Variants in SIGMAR1 observed in about 807,000 individuals in gnomAD.
SIGMAR1 encodes the protein sigma non-opioid intracellular receptor 1, also known as SR31747 binding protein 1.
In SIGMAR1, 18 loss-of-function variants were observed where a neutral mutation model predicts 25.4. The ratio of observed to expected loss-of-function variants is 0.71; its 90% CI spans 0.49 to 1.05. SIGMAR1 has a LOEUF of 1.05. Among genes scored for constraint, SIGMAR1 ranks in the 50% least tolerant of loss-of-function variants. The pLI is 0.00. For synonymous variants in SIGMAR1, 125 were observed against 131.6 expected (o/e 0.95, Z 0.34); for missense variants, 249 against 301.6 (o/e 0.83, Z 1.29).
At position 34,637,761 on chromosome 9, in the gene SIGMAR1, C is replaced by T; in HGVS notation, c.-64G>A. 7 of 1,221,266 alleles carry T rather than the reference C, an allele frequency of 5.7e-6. No individual in the cohort carries two copies. The highest frequency in any genetic ancestry group is 5.4e-6 in the Non-Finnish European group (5 of 931,602). The allele number at this position is 1,221,266 out of a possible 1,614,324, so 75.7% of individuals were successfully genotyped here. ...GCCGGGGCCTGAGGCTTTGCGCTCA[C>T]GGCCTCGGAGCCCGCCGGCTGCCCA... On this transcript the variant is annotated 5_prime_UTR_variant, in exon 1 of 4. The change creates a new upstream start codon in the 5' untranslated region. Transcript: ENST00000277010.
Position 34,637,693 on chromosome 9 carries a change from T to G in SIGMAR1, c.5A>C (p.Gln2Pro), listed in dbSNP as rs1800866. The change falls in exon 1 of 4, where the codon CAG (glutamine) becomes CCG (proline). Residue 2 changes from glutamine (Q) to proline (P), a missense_variant. By Grantham distance (76) the Gln-to-Pro change is moderately conservative (BLOSUM62 -1). Coordinates refer to ENST00000277010, the MANE Select transcript of SIGMAR1 (RefSeq NM_005866.4). M[Q>P]WAVGRRWAWA... ...CGCCCACCGCCGGCCCACGGCCCACTGCATCCCGGCGGGCGGCCTGGCACG... is the reference window on the plus strand; with the variant it reads ...CGCCCACCGCCGGCCCACGGCCCACGGCATCCCGGCGGGCGGCCTGGCACG... 267,412 of 1,526,870 alleles carry G rather than the reference T, an allele frequency of 0.18. 24,420 individuals are homozygous for G. The highest frequency in any genetic ancestry group is 0.31 in the East Asian group (12,731 of 40,624). The allele number at this position is 1,526,870 out of a possible 1,614,324, so 94.6% of individuals were successfully genotyped here.
In SIGMAR1 at chr9:34,637,768, G is replaced by T. The variant is rs945473434; in HGVS notation, c.-71C>A. On this transcript the variant is annotated 5_prime_UTR_variant, in exon 1 of 4. Transcript: ENST00000277010. Reference sequence around the variant, plus strand: ...CCTGAGGCTTTGCGCTCACGGCCTCGGAGCCCGCCGGCTGCCCACGAAGCG... The same window carrying T: ...CCTGAGGCTTTGCGCTCACGGCCTCTGAGCCCGCCGGCTGCCCACGAAGCG... The T allele has an allele frequency of 1.7e-6, 2 of 1,146,096 alleles. No individual in the cohort carries two copies. The highest frequency in any genetic ancestry group is 1.2e-6 in the Non-Finnish European group (1 of 869,540). 71.0% of individuals were successfully genotyped at this position (1,146,096 alleles called of 1,614,324 possible).
At position 34,637,432 on chromosome 9, in the gene SIGMAR1, A is replaced by C. The variant is rs1820919280; in HGVS notation, c.152-12T>G. On this transcript the variant is annotated splice_polypyrimidine_tract_variant and intron_variant, in intron 1 of 3. Transcript: ENST00000277010. ...CTCGTGGTCCAGCCCTGGCGGAGGC[A>C]GAGGGGCGGCGGAGTCAGGGCTGGC... The C allele has an allele frequency of 6.3e-7, 1 of 1,599,724 alleles. No homozygotes were observed. The highest frequency in any genetic ancestry group is 1.3e-5 in the African/African-American group (1 of 74,904).
At position 34,637,248 on chromosome 9, in the gene SIGMAR1, G is replaced by A; in HGVS notation, c.324C>T (p.Gly108=). The change falls in exon 2 of 4, where the codon GGC becomes GGT. Residue 108 remains glycine, a synonymous_variant. Coordinates refer to ENST00000277010, the MANE Select transcript of SIGMAR1 (RefSeq NM_005866.4). The part of the protein sequence containing the change: ...ASLSEYVLLF[G]TALGSRGHSG... ...AGTGGCCGCGGGAGCCCAAGGCGGT[G>A]CCGAAGAGCAGCACATACTCGGACA... 6.4e-7 allele frequency: 1 copy of A among 1,562,660 alleles called. No individual in the cohort carries two copies. Among genetic ancestry groups the A allele is most frequent in the South Asian group, 1.2e-5 (1 of 86,704 alleles).
At chr9:34,636,132 C>A (rs749012987) in intron 3 of SIGMAR1, among the ~76,000 whole-genome samples, 14 of 151,912 alleles carry the variant, frequency 9.2e-5, no homozygotes, top group Non-Finnish European at 2.1e-4. Flanking sequence ...AAGCCTCACT[C>A]GAATCAAGCA....
Position 34,637,530 on chromosome 9 carries a change from G to A in SIGMAR1, c.151+17C>T. 1 of 1,584,608 alleles carries A rather than the reference G, an allele frequency of 6.3e-7. No homozygotes were observed. The highest frequency in any genetic ancestry group is 8.5e-7 in the Non-Finnish European group (1 of 1,170,292). Reference sequence around the variant, plus strand: ...TCCCAGGCCGGCCGCTCCCCTCCCTGCCCTCTGCCCGCTCACCAGCGTACT... The same window carrying A: ...TCCCAGGCCGGCCGCTCCCCTCCCTACCCTCTGCCCGCTCACCAGCGTACT... On this transcript the variant is annotated intron_variant, in intron 1 of 3. Coordinates refer to ENST00000277010, the MANE Select transcript of SIGMAR1 (RefSeq NM_005866.4).
rs745729807 is a variant in SIGMAR1, at chr9:34,635,988, A to T, written c.446-130T>A. 20 of 1,348,218 alleles carry T rather than the reference A, an allele frequency of 1.5e-5. No individual in the cohort carries two copies. Among genetic ancestry groups the T allele is most frequent in the Non-Finnish European group, 1.9e-5 (19 of 982,198 alleles). 83.5% of individuals were successfully genotyped at this position (1,348,218 alleles called of 1,614,324 possible). On this transcript the variant is annotated intron_variant, in intron 3 of 3. Coordinates refer to ENST00000277010, the MANE Select transcript of SIGMAR1 (RefSeq NM_005866.4). The surrounding 1 kb of genome is among the most constrained non-coding windows in gnomAD (Gnocchi z 4.5). ...GAGCTTCAGAAAAACAAAAAGCCCT[A>T]CCTCACTGGGCTGGCCCAGATGGCC... is the stretch of plus-strand genomic sequence containing the variant.
rs1032906373 is a variant in SIGMAR1, at chr9:34,635,222, C to CA, written c.*409dup. Reference sequence around the variant, plus strand: ...TCAAATTGCTGCTGGGTTGAGGAGTCAGACTGAGGCAGTATAATACCCTCC... The same window carrying CA: ...TCAAATTGCTGCTGGGTTGAGGAGTCAAGACTGAGGCAGTATAATACCCTCC... On this transcript the variant is annotated 3_prime_UTR_variant, in exon 4 of 4. Transcript: ENST00000277010. The surrounding 1 kb of genome is among the most constrained non-coding windows in gnomAD (Gnocchi z 4.5). 3 of 287,098 alleles carry CA rather than the reference C, an allele frequency of 1.0e-5. No homozygotes were observed. In the Admixed American group the frequency reaches 1.4e-4, roughly 13 times the overall value. 17.8% of individuals were successfully genotyped at this position (287,098 alleles called of 1,614,324 possible). A position where few individuals can be genotyped will look rare whatever the true frequency, so the allele number is the denominator to read the frequency against.
In SIGMAR1 at chr9:34,635,623, C is replaced by A. The variant is rs372243666; in HGVS notation, c.*9G>T. 6.2e-7 allele frequency: 1 copy of A among 1,613,964 alleles called. No individual in the cohort carries two copies. ...GTCTATCCGCAGGTCTTCCTTCAGG[C>A]CTGGCTGGTCAAGGGTCCTGGCCAA... is the stretch of plus-strand genomic sequence containing the variant. On this transcript the variant is annotated 3_prime_UTR_variant, in exon 4 of 4. Coordinates refer to ENST00000277010, the MANE Select transcript of SIGMAR1 (RefSeq NM_005866.4). The surrounding 1 kb of genome is among the most constrained non-coding windows in gnomAD (Gnocchi z 4.5).
chr9:34,635,708 A>G lies in SIGMAR1; in HGVS notation c.596T>C (p.Leu199Pro). 6.2e-7 allele frequency: 1 copy of G among 1,614,246 alleles called. No homozygotes were observed. The highest frequency in any genetic ancestry group is 2.2e-5 in the East Asian group (1 of 44,880). The change falls in exon 4 of 4, where the codon CTC becomes CCC. Residue 199 changes from leucine to proline, a missense_variant. Transcript: ENST00000277010. This position sits in a 1 kb window ranked among gnomAD's most constrained non-coding sequence, Gnocchi z 4.5. ...TVFSTQDFLT[L>P]FYTLRSYARG... is the part of the protein sequence containing the mutation. ...AGCATAGGAGCGAAGAGTATAGAAG[A>G]GGGTGAGGAAGTCCTGGGTGCTGAA...
chr9:34,635,934 GGACT>G lies in SIGMAR1; in HGVS notation c.446-80_446-77del, dbSNP rs1322726496. 1 of 1,595,074 alleles carries G rather than the reference GGACT, an allele frequency of 6.3e-7. No individual in the cohort carries two copies. Among genetic ancestry groups the G allele is most frequent in the Non-Finnish European group, 8.5e-7 (1 of 1,173,066 alleles). Reference sequence around the variant, plus strand: ...CATGGCTGCTGCTTCCCTGGCCCATGGACTAACTAGGGGTGGGGAATGGAGAGGG... The same window carrying G: ...CATGGCTGCTGCTTCCCTGGCCCATGAACTAGGGGTGGGGAATGGAGAGGG... On this transcript the variant is annotated intron_variant, in intron 3 of 3. Coordinates refer to ENST00000277010, the MANE Select transcript of SIGMAR1 (RefSeq NM_005866.4). The surrounding 1 kb of genome is among the most constrained non-coding windows in gnomAD (Gnocchi z 4.5).
chr9:34,635,969 C>A lies in SIGMAR1; in HGVS notation c.446-111G>T. 1 of 1,499,492 alleles carries A rather than the reference C, an allele frequency of 6.7e-7. No individual in the cohort carries two copies. Among genetic ancestry groups the A allele is most frequent in the Admixed American group, 2.0e-5 (1 of 49,760 alleles). 92.9% of individuals were successfully genotyped at this position (1,499,492 alleles called of 1,614,324 possible). A position where few individuals can be genotyped will look rare whatever the true frequency, so the allele number is the denominator to read the frequency against. On this transcript the variant is annotated intron_variant, in intron 3 of 3. Transcript: ENST00000277010. This position sits in a 1 kb window ranked among gnomAD's most constrained non-coding sequence, Gnocchi z 4.5. ...GGGGTGGGGAATGGAGAGGGAGCTT[C>A]AGAAAAACAAAAAGCCCTACCTCAC...
chr9:34,635,866 A>G lies in SIGMAR1; in HGVS notation c.446-8T>C. 1 of 1,613,718 alleles carries G rather than the reference A, an allele frequency of 6.2e-7. No homozygotes were observed. Among genetic ancestry groups the G allele is most frequent in the South Asian group, 1.1e-5 (1 of 91,076 alleles). On this transcript the variant is annotated splice_polypyrimidine_tract_variant and splice_region_variant and intron_variant, in intron 3 of 3. Transcript: ENST00000277010. This position sits in a 1 kb window ranked among gnomAD's most constrained non-coding sequence, Gnocchi z 4.5. ...CGTGTACTACCGTCTCCCCTGGGGG[A>G]CAGGGAGCACCCAAGTGAAAAGCCA...
Position 34,635,472 on chromosome 9 carries a change from T to C in SIGMAR1, c.*160A>G. 2 of 1,087,312 alleles carry C rather than the reference T, an allele frequency of 1.8e-6. No individual in the cohort carries two copies. The highest frequency in any genetic ancestry group is 2.7e-6 in the Non-Finnish European group (2 of 740,610). 67.4% of individuals were successfully genotyped at this position (1,087,312 alleles called of 1,614,324 possible). ...TGTCTCATTTGTTCCCATGGGTCTC[T>C]GTGTTTGGATACATAAGCATGGATA... On this transcript the variant is annotated 3_prime_UTR_variant, in exon 4 of 4. Coordinates refer to ENST00000277010, the MANE Select transcript of SIGMAR1 (RefSeq NM_005866.4). This position sits in a 1 kb window ranked among gnomAD's most constrained non-coding sequence, Gnocchi z 4.5.
At chr9:34,636,426 G>T (rs978323451) in intron 3 of SIGMAR1, among the ~76,000 whole-genome samples, 2 of 151,830 alleles carry the variant, frequency 1.3e-5, no homozygotes, top group Non-Finnish European at 2.9e-5. Flanking sequence ...GAGGTCAGGA[G>T]ATCGAGACCA....
chr9:34,636,446 G>A (rs1254486910), intron 3 of SIGMAR1, among the ~76,000 whole-genome samples: 1 of 151,934 alleles, frequency 6.6e-6, no homozygotes, highest in Non-Finnish European at 1.5e-5. Context: ...ATCCTGGCTG[G>A]TATGGTGAAA....
chr9:34,637,494 C>T (rs1482871575), intron 1 of SIGMAR1, 53 bp downstream of exon 1: 1 of 1,579,360 alleles, frequency 6.3e-7, no homozygotes, highest in Admixed American at 1.8e-5. Context: ...CTTCGGAACC[C>T]TAGGCTCCGC....
In SIGMAR1 at chr9:34,637,755, C is replaced by A; in HGVS notation, c.-58G>T. On this transcript the variant is annotated 5_prime_UTR_variant, in exon 1 of 4. Transcript: ENST00000277010. ...GAGGGAGCCGGGGCCTGAGGCTTTG[C>A]GCTCACGGCCTCGGAGCCCGCCGGC... 6 of 1,257,058 alleles carry A rather than the reference C, an allele frequency of 4.8e-6. No individual in the cohort carries two copies. The highest frequency in any genetic ancestry group is 3.0e-5 in the East Asian group (1 of 33,706). 77.9% of individuals were successfully genotyped at this position (1,257,058 alleles called of 1,614,324 possible).
chr9:34,636,971 T>G (rs941301659), intron 3 of SIGMAR1, 26 bp downstream of exon 3: 1 of 1,599,226 alleles, frequency 6.3e-7, no homozygotes, highest in Non-Finnish European at 8.6e-7. Context: ...AGGGACCCAC[T>G]TCTCTGACAG....
Sources: gnomAD v4.1 joint callset for allele counts (sites outside exome capture counted in the v4.1 genomes callset) on GRCh38, gnomAD v4.1.1 for gene constraint, Gnocchi (gnomAD v3.1) non-coding constraint, MANE v1.5 for transcripts, NCBI Gene and HGNC (gene_info 2026-07-23, HGNC 2026-07-21) for gene names.